The following CSMD1 variants were observed in gnomAD, a reference collection of about 807,000 sequenced individuals.
The protein encoded by CSMD1 is CUB and Sushi multiple domains 1, also known as CUB and sushi domain-containing protein 1.
In CSMD1, 213 loss-of-function variants were observed where a neutral mutation model predicts 417.5. That is an observed-to-expected ratio of 0.51 (90% CI 0.46 to 0.57). The LOEUF (loss-of-function observed/expected upper bound fraction) is 0.57. Ranked by LOEUF, CSMD1 falls within the 20% of genes least tolerant of loss-of-function variation. CSMD1 has a pLI of 0.00. For synonymous variants in CSMD1, 2,862 were observed against 1,736.8 expected (o/e 1.65, Z -16.11); for missense variants, 6,923 against 4,529.7 (o/e 1.53, Z -15.17).
intron 3 of CSMD1, among the ~76,000 whole-genome samples, chr8:4,114,966 G>A (rs1467783121): frequency 6.6e-6 from 1 of 152,168 alleles, no homozygotes; most frequent in African/African-American, 2.4e-5. Context: ...AAACATTGTT[G>A]AAATGACAAC....
At chr8:3,456,167 G>A (rs1422974699) in intron 12 of CSMD1, among the ~76,000 whole-genome samples, 3 of 152,212 alleles carry the variant, frequency 2.0e-5, no homozygotes, top group African/African-American at 4.8e-5. Flanking sequence ...GAAAAGCACA[G>A]TATTAGGGTG....
At chr8:3,999,112 T>G (rs1815458094) in intron 4 of CSMD1, among the ~76,000 whole-genome samples, 1 of 151,292 alleles carries the variant, frequency 6.6e-6, no homozygotes, top group Admixed American at 6.6e-5. Flanking sequence ...TTTTAAAGCA[T>G]GTTTTTTAAA....
At chr8:3,648,462 G>A (rs115780855) in intron 7 of CSMD1, among the ~76,000 whole-genome samples, 314 of 152,242 alleles carry the variant, frequency 2.1e-3, no homozygotes, top group African/African-American at 7.1e-3. Flanking sequence ...TACATTTTCA[G>A]GGACAAGATG....
In CSMD1 at chr8:4,913,023, A is replaced by C. The variant is rs552831867; in HGVS notation, c.85+81309T>G. Among the ~76,000 whole-genome samples, 6 of 152,262 alleles carry C rather than the reference A, an allele frequency of 3.9e-5. No homozygotes were observed. The South Asian group carries it at 1.2e-3, about 32-fold the overall frequency. On this transcript the variant is annotated intron_variant, in intron 1 of 69. Coordinates refer to ENST00000635120, the MANE Select transcript of CSMD1 (RefSeq NM_033225.6). Reference sequence around the variant, plus strand: ...AGGATAGTCTCGAACTCCTGACCTCAAGTGATCCACCTGCCTCGGCCTCCC... The same window carrying C: ...AGGATAGTCTCGAACTCCTGACCTCCAGTGATCCACCTGCCTCGGCCTCCC...
Position 3,289,224 on chromosome 8 carries a change from C to T in CSMD1, c.3951-4878G>A, listed in dbSNP as rs963102624. Reference sequence around the variant, plus strand: ...GCCACATTTTCTTAATCCAGTCTATCGTTGTTGGACATTTAGGTTGGTTCC... The same window carrying T: ...GCCACATTTTCTTAATCCAGTCTATTGTTGTTGGACATTTAGGTTGGTTCC... On this transcript the variant is annotated intron_variant, in intron 25 of 69. Coordinates refer to ENST00000635120, the MANE Select transcript of CSMD1 (RefSeq NM_033225.6). Among the ~76,000 whole-genome samples, 36 of 147,414 alleles carry T rather than the reference C, an allele frequency of 2.4e-4. 4 individuals are homozygous for T. The highest frequency in any genetic ancestry group is 9.1e-4 in the African/African-American group (34 of 37,164).
chr8:3,786,063 G>C (rs73172220), intron 5 of CSMD1, among the ~76,000 whole-genome samples: 6,474 of 152,146 alleles, frequency 0.043, 335 homozygotes, highest in East Asian at 0.26. Flanking sequence ...TGGGAGGTGA[G>C]AATGAGCAGG....
chr8:4,341,503 G>C (rs1488765692), intron 3 of CSMD1, among the ~76,000 whole-genome samples: 2 of 152,072 alleles, frequency 1.3e-5, no homozygotes, highest in Non-Finnish European at 2.9e-5. Flanking sequence ...TGCATATCAT[G>C]AATGTGGCCC....
intron 3 of CSMD1, among the ~76,000 whole-genome samples, chr8:4,345,211 A>G (rs1405167621): frequency 6.6e-6 from 1 of 152,172 alleles, no homozygotes; most frequent in African/African-American, 2.4e-5. Context: ...CAACGCTAAC[A>G]TATATTAGCA....
intron 1 of CSMD1, among the ~76,000 whole-genome samples, chr8:4,789,878 G>C (rs1475630423): frequency 2.0e-5 from 3 of 152,126 alleles, no homozygotes; most frequent in Admixed American, 2.0e-4. Flanking sequence ...TTATTTTACA[G>C]ACTTGCCTAA....
At chr8:3,961,343 G>C (rs927778385) in intron 5 of CSMD1, among the ~76,000 whole-genome samples, 4 of 152,234 alleles carry the variant, frequency 2.6e-5, no homozygotes, top group African/African-American at 9.6e-5. Flanking sequence ...TTTTTAACCG[G>C]GTAAGCCACT....
intron 5 of CSMD1, among the ~76,000 whole-genome samples, chr8:3,979,984 G>A (rs560661678): frequency 1.2e-3 from 184 of 152,296 alleles, no homozygotes; most frequent in African/African-American, 4.0e-3. Flanking sequence ...ATTAAGAACT[G>A]GGTTGAACAA....
Position 4,283,835 on chromosome 8 carries a change from G to A in CSMD1, c.415+136118C>T, listed in dbSNP as rs574881354. ...ACCTATAAAATCCTACTCTGCCCCA[G>A]AAGCATGGCTAACAGTTTCATGTGC... On this transcript the variant is annotated intron_variant, in intron 3 of 69. Transcript: ENST00000635120. 2.8e-3 allele frequency among the ~76,000 whole-genome samples: 421 copies of A among 152,164 alleles called. 2 individuals carry two copies. The highest frequency in any genetic ancestry group is 4.5e-3 in the Non-Finnish European group (308 of 67,996).
chr8:4,687,141 G>T (rs983633029), intron 1 of CSMD1, among the ~76,000 whole-genome samples: 1 of 152,206 alleles, frequency 6.6e-6, no homozygotes, highest in African/African-American at 2.4e-5. Context: ...CATGGGCCAG[G>T]GAAGAGCACC....
intron 1 of CSMD1, among the ~76,000 whole-genome samples, chr8:4,846,257 G>A (rs1801139665): frequency 6.6e-6 from 1 of 151,996 alleles, no homozygotes; most frequent in Admixed American, 6.6e-5. Context: ...TTTCAAATTT[G>A]GAAATGTGTG....
chr8:4,138,675 C>T (rs1434462558), intron 3 of CSMD1, among the ~76,000 whole-genome samples: 1 of 152,044 alleles, frequency 6.6e-6, no homozygotes, highest in Admixed American at 6.6e-5. Flanking sequence ...TTCTATTTTT[C>T]AAAGTTAAAT....
At position 4,485,704 on chromosome 8, in the gene CSMD1, G is replaced by T. The variant is rs143156982; in HGVS notation, c.303-65639C>A. Among the ~76,000 whole-genome samples, 93 of 152,078 alleles carry T rather than the reference G, an allele frequency of 6.1e-4. No individual in the cohort carries two copies. The East Asian group carries it at 0.015, about 24-fold the overall frequency. ...TCAAGCTGTTAACAAATTAACAAAAGAAATCCCAAAATAAGTACATAATCT... is the reference window on the plus strand; with the variant it reads ...TCAAGCTGTTAACAAATTAACAAAATAAATCCCAAAATAAGTACATAATCT... On this transcript the variant is annotated intron_variant, in intron 2 of 69. Coordinates refer to ENST00000635120, the MANE Select transcript of CSMD1 (RefSeq NM_033225.6).
intron 7 of CSMD1, among the ~76,000 whole-genome samples, chr8:3,697,100 T>C (rs947251244): frequency 6.6e-6 from 1 of 152,154 alleles, no homozygotes; most frequent in South Asian, 2.1e-4. Context: ...AGGCCCAATA[T>C]TGCTAGGTCA....
At chr8:3,896,091 T>C (rs929472486) in intron 5 of CSMD1, among the ~76,000 whole-genome samples, 6 of 152,172 alleles carry the variant, frequency 3.9e-5, no homozygotes, top group African/African-American at 1.4e-4. Context: ...ACACCTCTGA[T>C]GGTAACTTCC....
At chr8:4,238,500 G>C (rs977984566) in intron 3 of CSMD1, among the ~76,000 whole-genome samples, 1 of 152,184 alleles carries the variant, frequency 6.6e-6, no homozygotes, top group Admixed American at 6.5e-5. Context: ...ATTAAGAGGT[G>C]ACTAGAGGCA....
Sources: gnomAD v4.1 joint callset for allele counts (sites outside exome capture counted in the v4.1 genomes callset) on GRCh38, gnomAD v4.1.1 for gene constraint, MANE v1.5 for transcripts, NCBI Gene and HGNC (gene_info 2026-07-23, HGNC 2026-07-21) for gene names.